Variants in TIAM1 observed in about 807,000 individuals in gnomAD.
The protein encoded by TIAM1 is TIAM Rac1 associated GEF 1, also known as rho guanine nucleotide exchange factor TIAM1.
Under a neutral mutation model 163.5 loss-of-function variants are expected in TIAM1, and 65 were observed. The ratio of observed to expected loss-of-function variants is 0.40; its 90% CI spans 0.33 to 0.49. The LOEUF is 0.49. TIAM1 is among the 20% of genes least tolerant of loss of function. The pLI is 0.77. For synonymous variants in TIAM1, 833 were observed against 810.1 expected (o/e 1.03, Z -0.48); for missense variants, 1,789 against 2,044.7 (o/e 0.87, Z 2.41).
intron 2 of TIAM1, among the ~76,000 whole-genome samples, chr21:31,402,391 G>A (rs1235090325): frequency 6.6e-6 from 1 of 152,062 alleles, no homozygotes; most frequent in Non-Finnish European, 1.5e-5. Context: ...CTGCAAGTAG[G>A]AACAAGAAAA....
intron 2 of TIAM1, among the ~76,000 whole-genome samples, chr21:31,412,876 A>C: frequency 6.6e-6 from 1 of 151,738 alleles, no homozygotes; most frequent in East Asian, 1.9e-4. Flanking sequence ...TCCTATGAGA[A>C]TCTCATGCTG....
intron 16 of TIAM1, among the ~76,000 whole-genome samples, chr21:31,158,421 G>A (rs16987847): frequency 0.018 from 2,666 of 152,128 alleles, 86 homozygotes; most frequent in African/African-American, 0.061. Context: ...TTTCCCCACC[G>A]GCAACCCTAC....
chr21:31,267,282 T>C (rs1323668355), intron 3 of TIAM1, among the ~76,000 whole-genome samples: 1 of 152,230 alleles, frequency 6.6e-6, no homozygotes, highest in Admixed American at 6.5e-5. Context: ...CCACAGGCCA[T>C]AGCTGAGAGC....
At chr21:31,328,092 T>C (rs1045912804) in intron 2 of TIAM1, among the ~76,000 whole-genome samples, 11 of 152,232 alleles carry the variant, frequency 7.2e-5, no homozygotes, top group Non-Finnish European at 2.9e-5. Context: ...CAGGGCTCGC[T>C]TCCTCAACCC....
At chr21:31,177,439 T>A (rs2084812530) in intron 15 of TIAM1, among the ~76,000 whole-genome samples, 2 of 152,152 alleles carry the variant, frequency 1.3e-5, no homozygotes, top group Non-Finnish European at 2.9e-5. Flanking sequence ...AAACCCTGTC[T>A]CTACTAAAAA....
intron 4 of TIAM1, among the ~76,000 whole-genome samples, chr21:31,254,211 C>A (rs996262668): frequency 6.6e-6 from 1 of 152,180 alleles, no homozygotes; most frequent in Non-Finnish European, 1.5e-5. Context: ...CTTGTAATTC[C>A]CAGAGCTCCA....
chr21:31,476,900 G>C (rs562578964), intron 1 of TIAM1, among the ~76,000 whole-genome samples: 2 of 152,264 alleles, frequency 1.3e-5, no homozygotes, highest in African/African-American at 2.4e-5. Flanking sequence ...ACCCTTCTGG[G>C]CTGGAACATG....
chr21:31,394,570 G>A (rs927911177), intron 2 of TIAM1, among the ~76,000 whole-genome samples: 14 of 152,288 alleles, frequency 9.2e-5, no homozygotes, highest in Non-Finnish European at 5.9e-5. Context: ...GGGGCAGGAT[G>A]TTGGTGGTGG....
In TIAM1 at chr21:31,266,235, G is replaced by A. The variant is rs202182190; in HGVS notation, c.738C>T (p.Asn246=). The part of the protein sequence containing the change: ...YAQKNSGVTA[N]GGPGSKFAGY... ...CTGCAAATTTGCTCCCCGGCCCCCC[G>A]TTTGCTGTCACTCCAGAGTTTTTCT... Residue 246 remains asparagine, a synonymous_variant, in exon 4 of 28, where the codon AAC becomes AAT. Transcript: ENST00000541036. 6.6e-5 allele frequency: 106 copies of A among 1,614,174 alleles called. No homozygotes were observed. The East Asian group carries it at 9.8e-4, about 15-fold the overall frequency.
In TIAM1 at chr21:31,226,354, G is replaced by T. The variant is rs115383112; in HGVS notation, c.1585-404C>A. The stretch of plus-strand genomic sequence containing the variant: ...GGACTGAGGGACATTACTGACATAG[G>T]AAGCTACAACAGCCCTGCCCCTCGT... On this transcript the variant is annotated intron_variant, in intron 6 of 27. Coordinates refer to ENST00000541036, the MANE Select transcript of TIAM1 (RefSeq NM_001353694.2). Among the ~76,000 whole-genome samples the T allele has an allele frequency of 6.8e-3, 1,031 of 152,248 alleles. 5 individuals carry two copies. Among genetic ancestry groups the T allele is most frequent in the African/African-American group, 0.024 (981 of 41,530 alleles).
intron 1 of TIAM1, among the ~76,000 whole-genome samples, chr21:31,465,056 G>T (rs1423584920): frequency 6.6e-6 from 1 of 151,570 alleles, no homozygotes; most frequent in Non-Finnish European, 1.5e-5. Context: ...ATATCAGCCT[G>T]GTGCAGTGGT....
intron 6 of TIAM1, among the ~76,000 whole-genome samples, chr21:31,239,126 A>ATTC (rs1555901242): frequency 1.4e-5 from 2 of 145,898 alleles, no homozygotes; most frequent in African/African-American, 5.0e-5. Context: ...CAGAAAAACA[A>ATTC]TTTTTTTTTT....
At chr21:31,124,834 G>C in intron 26 of TIAM1, 140 bp from the exon 27 acceptor site, 2 of 650,172 alleles carry the variant, frequency 3.1e-6, no homozygotes, top group Non-Finnish European at 4.9e-6. Context: ...TTTCTATGCT[G>C]AGCGGTGATT....
At chr21:31,535,206 C>T (rs899392062) in intron 1 of TIAM1, among the ~76,000 whole-genome samples, 1 of 151,558 alleles carries the variant, frequency 6.6e-6, no homozygotes, top group Non-Finnish European at 1.5e-5. Context: ...TATGGTGAAA[C>T]CCTGTCTCTA....
intron 2 of TIAM1, among the ~76,000 whole-genome samples, chr21:31,437,627 C>T (rs752271274): frequency 1.2e-3 from 177 of 152,174 alleles, no homozygotes; most frequent in African/African-American, 3.9e-3. Context: ...GACTGGATCA[C>T]GAGGGTGGAC....
chr21:31,482,006 A>G (rs1288321303), intron 1 of TIAM1, among the ~76,000 whole-genome samples: 1 of 151,200 alleles, frequency 6.6e-6, no homozygotes, highest in Non-Finnish European at 1.5e-5. Flanking sequence ...AAGACATTCC[A>G]TCGCTCCAGA....
intron 2 of TIAM1, among the ~76,000 whole-genome samples, chr21:31,335,855 C>CA (rs2075821938): frequency 6.6e-6 from 1 of 152,140 alleles, no homozygotes; most frequent in African/African-American, 2.4e-5. Flanking sequence ...AATCAGATAA[C>CA]ACACAGTTCA....
At chr21:31,383,169 G>A (rs1285653459) in intron 2 of TIAM1, among the ~76,000 whole-genome samples, 2 of 152,150 alleles carry the variant, frequency 1.3e-5, no homozygotes, top group African/African-American at 4.8e-5. Flanking sequence ...GAACCCAACA[G>A]GCAGAGGTTG....
intron 1 of TIAM1, among the ~76,000 whole-genome samples, chr21:31,512,451 GC>G (rs1226506551): frequency 3.3e-5 from 5 of 151,820 alleles, no homozygotes; most frequent in Non-Finnish European, 5.9e-5. Context: ...TCAATGAATG[GC>G]CTGTGACCCA....
Sources: gnomAD v4.1 joint callset for allele counts (sites outside exome capture counted in the v4.1 genomes callset) on GRCh38, gnomAD v4.1.1 for gene constraint, MANE v1.5 for transcripts, NCBI Gene and HGNC (gene_info 2026-07-23, HGNC 2026-07-21) for gene names.